EXOSC10: variants seen among roughly 807,000 people sequenced by gnomAD.
EXOSC10 encodes the protein exosome complex component 10.
EXOSC10 carries 94 observed loss-of-function variants against 126.6 expected under a neutral mutation model. The observed-to-expected ratio is 0.74, with a 90% CI of 0.63 to 0.88. The LOEUF is 0.88. EXOSC10 is among the 40% of genes least tolerant of loss of function. The pLI is 0.00. For synonymous variants in EXOSC10, 395 were observed against 400.8 expected (o/e 0.99, Z 0.17); for missense variants, 1,041 against 1,100.5 (o/e 0.95, Z 0.77).
At chr1:11,090,489 A>G in intron 6 of EXOSC10, 65 bp downstream of exon 6, 1 of 1,319,200 alleles carries the variant, frequency 7.6e-7, no homozygotes, top group Non-Finnish European at 1.1e-6. Context: ...ATACTCCACA[A>G]AAGTGAAAAT....
At chr1:11,074,066 G>A in intron 18 of EXOSC10, 58 bp from the exon 19 acceptor site, 1 of 1,546,310 alleles carries the variant, frequency 6.5e-7, no homozygotes, top group East Asian at 2.2e-5. Context: ...AGAGCCACGG[G>A]GCAGAAGCGC....
chr1:11,073,824 G>C (rs1639652472), intron 19 of EXOSC10, 110 bp downstream of exon 19: 1 of 784,804 alleles, frequency 1.3e-6, no homozygotes, highest in African/African-American at 2.0e-5. Flanking sequence ...GTTGCAGTGA[G>C]TCAAGATTGT....
At chr1:11,091,979 C>T (rs891546961) in intron 3 of EXOSC10, among the ~76,000 whole-genome samples, 3 of 152,090 alleles carry the variant, frequency 2.0e-5, no homozygotes, top group African/African-American at 7.2e-5. Context: ...CGTGAGCCAC[C>T]GTGCCCCACC....
intron 14 of EXOSC10, among the ~76,000 whole-genome samples, chr1:11,079,204 C>G (rs1639997209): frequency 6.6e-6 from 1 of 151,472 alleles, no homozygotes; most frequent in Admixed American, 6.6e-5. Flanking sequence ...TGGTGCATGC[C>G]TGTAATCCCA....
chr1:11,096,665 G>A (rs528163824), intron 2 of EXOSC10, among the ~76,000 whole-genome samples: 4 of 151,032 alleles, frequency 2.6e-5, no homozygotes, highest in Non-Finnish European at 5.9e-5. Context: ...TTTTTGTAGG[G>A]ATGGAGTCTC....
At chr1:11,093,172 A>G (rs535501845) in intron 3 of EXOSC10, among the ~76,000 whole-genome samples, 84 of 152,350 alleles carry the variant, frequency 5.5e-4, no homozygotes, top group Non-Finnish European at 1.0e-3. Context: ...CAGGTAGGAC[A>G]GTAATTACCC....
In EXOSC10 at chr1:11,066,635, T is replaced by G. The variant is rs1639110967; in HGVS notation, c.*83A>C. On this transcript the variant is annotated 3_prime_UTR_variant, in exon 25 of 25. Transcript: ENST00000376936. ...GAATCAGCTTTCTTCAGGAAGAATT[T>G]TAATGGTTTAAAAATATGTATGTAC... 6.7e-7 allele frequency: 1 copy of G among 1,493,754 alleles called. No individual in the cohort carries two copies. Among genetic ancestry groups the G allele is most frequent in the East Asian group, 2.3e-5 (1 of 44,190 alleles). The allele number at this position is 1,493,754 out of a possible 1,614,324, so 92.5% of individuals were successfully genotyped here. A position where few individuals can be genotyped will look rare whatever the true frequency, so the allele number is the denominator to read the frequency against.
chr1:11,092,583 T>C (rs572844849), intron 3 of EXOSC10, among the ~76,000 whole-genome samples: 1 of 148,918 alleles, frequency 6.7e-6, no homozygotes, highest in East Asian at 2.0e-4. Context: ...AGTGGTCCAA[T>C]CTCAGCTTGC....
chr1:11,091,043 T>G lies in EXOSC10; in HGVS notation c.614A>C (p.Lys205Thr). ...NTPFLPKIFI[K>T]PNAQKPLPQA... ...AGGGAGAGGTTTCTGAGCATTGGGT[T>G]TGATGAAGATTTTAGGAAGAAATGG... The change falls in exon 5 of 25, where the codon AAA becomes ACA. Residue 205 changes from lysine to threonine, a missense_variant. Lys to Thr is a moderately conservative substitution (Grantham distance 78). Transcript: ENST00000376936. 1 of 1,614,184 alleles carries G rather than the reference T, an allele frequency of 6.2e-7. No homozygotes were observed. The highest frequency in any genetic ancestry group is 8.5e-7 in the Non-Finnish European group (1 of 1,180,030).
chr1:11,090,917 G>T, intron 5 of EXOSC10, 97 bp downstream of exon 5: 1 of 1,256,318 alleles, frequency 8.0e-7, no homozygotes, highest in Non-Finnish European at 1.1e-6. Flanking sequence ...AGGAGGGTGG[G>T]CTCCCTTTGA....
At chr1:11,088,898 A>C (rs1640643553) in intron 6 of EXOSC10, among the ~76,000 whole-genome samples, 1 of 152,180 alleles carries the variant, frequency 6.6e-6, no homozygotes, top group Non-Finnish European at 1.5e-5. Context: ...TATTGCCAGT[A>C]AAAAATGCCT....
Position 11,070,925 on chromosome 1 carries a change from G to A in EXOSC10, c.2291C>T (p.Ala764Val). The change falls in exon 21 of 25, where the codon GCC becomes GTC. Residue 764 changes from alanine (A) to valine (V), a missense_variant. Coordinates refer to ENST00000376936, the MANE Select transcript of EXOSC10 (RefSeq NM_001001998.3). ...KEACKAAAEQ[A>V]ISVRQQVVLE... ...CACGACCTGCTGTCGGACGGAGATG[G>A]CCTGTTCTGCTGCAGCTTTGCACGC... The A allele has an allele frequency of 6.2e-7, 1 of 1,614,134 alleles. No homozygotes were observed. Among genetic ancestry groups the A allele is most frequent in the Non-Finnish European group, 8.5e-7 (1 of 1,179,992 alleles).
intron 3 of EXOSC10, 177 bp downstream of exon 3, chr1:11,095,581 G>A (rs1641034705): frequency 4.3e-6 from 2 of 468,558 alleles, no homozygotes. Flanking sequence ...AGGTGTGGTG[G>A]CGGGCGCCTG....
rs760720946 is a variant in EXOSC10, at chr1:11,099,710, C to A, written c.111+11G>T. On this transcript the variant is annotated intron_variant, in intron 1 of 24. Transcript: ENST00000376936. ...GCGACTCCTGGTACCCCCGAGGCCC[C>A]GCGAACTCACCTTCACAAAGCTGTC... is the stretch of plus-strand genomic sequence containing the variant. The A allele has an allele frequency of 6.3e-6, 10 of 1,597,228 alleles. No homozygotes were observed. Among genetic ancestry groups the A allele is most frequent in the Non-Finnish European group, 8.5e-6 (10 of 1,170,870 alleles).
chr1:11,087,986 G>T, intron 7 of EXOSC10, 76 bp from the exon 8 acceptor site: 1 of 1,267,618 alleles, frequency 7.9e-7, no homozygotes, highest in Non-Finnish European at 1.1e-6. Context: ...TGAACTACAA[G>T]TTTGAGAAAT....
chr1:11,080,560 A>AC lies in EXOSC10; in HGVS notation c.1587-12_1587-11insG, dbSNP rs780665530. On this transcript the variant is annotated splice_polypyrimidine_tract_variant and intron_variant, in intron 12 of 24. Coordinates refer to ENST00000376936, the MANE Select transcript of EXOSC10 (RefSeq NM_001001998.3). ...TTTGGCAGTACATATCTGGAAAAAA[A>AC]AAAACACACACACACACACACACAC... 8.4e-4 allele frequency: 1,265 copies of AC among 1,511,420 alleles called. 8 individuals are homozygous for AC. The African/African-American group carries it at 0.012, about 14-fold the overall frequency. The allele number at this position is 1,511,420 out of a possible 1,614,324, so 93.6% of individuals were successfully genotyped here.
At chr1:11,067,037 C>A (rs781180352) in intron 24 of EXOSC10, among the ~76,000 whole-genome samples, 5 of 152,154 alleles carry the variant, frequency 3.3e-5, no homozygotes, top group Non-Finnish European at 5.9e-5. Flanking sequence ...TGGCTCACAC[C>A]TGTAATCCCA....
chr1:11,098,040 C>T lies in EXOSC10; in HGVS notation c.228G>A (p.Gln76=), dbSNP rs1557723664. ...CTTACCACTGAAGCAACCTGTCTCC[C>T]TGTGTTTCGCAAAATGCTTGGAAGC... ...FPGFQAFCET[Q]GDRLLQCMSR... The change falls in exon 2 of 25, where the codon CAG becomes CAA. Residue 76 remains glutamine (Q), a synonymous_variant. Coordinates refer to ENST00000376936, the MANE Select transcript of EXOSC10 (RefSeq NM_001001998.3). 1.2e-6 allele frequency: 2 copies of T among 1,611,394 alleles called. No homozygotes were observed. Among genetic ancestry groups the T allele is most frequent in the Non-Finnish European group, 1.7e-6 (2 of 1,179,180 alleles).
intron 12 of EXOSC10, 72 bp from the exon 13 acceptor site, chr1:11,080,621 C>T: frequency 1.3e-6 from 2 of 1,599,208 alleles, no homozygotes; most frequent in South Asian, 1.1e-5. Context: ...GGACACATTA[C>T]ATTCAGCCAG....
Sources: allele counts gnomAD v4.1 joint callset (sites outside exome capture counted in the v4.1 genomes callset), GRCh38; gene constraint gnomAD v4.1.1; transcripts MANE v1.5; gene names NCBI Gene and HGNC (gene_info 2026-07-23, HGNC 2026-07-21).